NCAM2: variants seen among roughly 807,000 people sequenced by gnomAD.
NCAM2 encodes the protein N-CAM-2.
Under a neutral mutation model 98.1 loss-of-function variants are expected in NCAM2, and 30 were observed. That is an observed-to-expected ratio of 0.31 (90% confidence interval 0.23 to 0.41). The LOEUF (loss-of-function observed/expected upper bound fraction) is 0.41, where lower values mean the gene tolerates loss of function less well. Among genes scored for constraint, NCAM2 ranks in the 10% least tolerant of loss-of-function variants. The pLI is 1.00. For synonymous variants in NCAM2, 368 were observed against 342.4 expected, an observed-to-expected ratio of 1.07 and a Z score of -0.83; for missense variants, 867 against 1,005.8, an observed-to-expected ratio of 0.86 and a Z score of 1.87.
intron 12 of NCAM2, among the ~76,000 whole-genome samples, chr21:21,465,331 A>G (rs2847448): frequency 1.3e-5 from 2 of 151,750 alleles, no homozygotes; most frequent in Non-Finnish European, 2.9e-5. Context: ...CCTGAAATCC[A>G]AGACTTTGGG....
intron 11 of NCAM2, among the ~76,000 whole-genome samples, chr21:21,419,360 A>AT (rs1052125697): frequency 6.3e-4 from 31 of 48,994 alleles, no homozygotes; most frequent in East Asian, 5.6e-3. Context: ...TTTTTTTTCG[A>AT]TTTTTTTTTA....
rs369824131 is a variant in NCAM2 at position 21,477,377 on chromosome 21, G to A, written c.1983G>A (p.Gly661=). The A allele has an allele frequency of 1.9e-5, 31 of 1,612,560 alleles. 1 individual carries two copies. The South Asian group carries it at 3.3e-4, about 17-fold the overall frequency. The part of the protein sequence containing the change: ...IILEHLQWTM[G]YEVQITAANR... ...TGGAGCATCTCCAGTGGACCATGGG[G>A]TATGAAGTTCAGATTACAGCTGCCA... The change falls in exon 15 of 18, where the codon GGG becomes GGA. Residue 661 remains glycine (G), a synonymous_variant. Transcript: ENST00000400546.
intron 15 of NCAM2, among the ~76,000 whole-genome samples, chr21:21,493,383 A>G (rs1365350930): frequency 6.6e-6 from 1 of 151,898 alleles, no homozygotes; most frequent in African/African-American, 2.4e-5. Flanking sequence ...TCCCTTTTAA[A>G]TAGACTTTAG....
At chr21:21,476,045 G>A (rs565208948) in intron 14 of NCAM2, among the ~76,000 whole-genome samples, 3 of 152,168 alleles carry the variant, frequency 2.0e-5, no homozygotes, top group East Asian at 1.9e-4. Context: ...TTATATTTTA[G>A]AGAACAAATA....
chr21:21,475,607 C>T (rs1260478202), intron 14 of NCAM2, among the ~76,000 whole-genome samples: 1 of 152,148 alleles, frequency 6.6e-6, no homozygotes. Context: ...GTTACAACCT[C>T]TCTTCTCAGT....
At chr21:21,246,297 C>T (rs2071268483) in intron 1 of NCAM2, among the ~76,000 whole-genome samples, 1 of 151,976 alleles carries the variant, frequency 6.6e-6, no homozygotes, top group Non-Finnish European at 1.5e-5. Flanking sequence ...GCCAAAACCA[C>T]TCAGCTAAGC....
chr21:21,051,916 A>G (rs1458369780), intron 1 of NCAM2, among the ~76,000 whole-genome samples: 1 of 152,176 alleles, frequency 6.6e-6, no homozygotes, highest in Non-Finnish European at 1.5e-5. Flanking sequence ...TTCCACAGTT[A>G]TTACTGTTGC....
At chr21:21,058,664 A>C (rs1371362877) in intron 1 of NCAM2, among the ~76,000 whole-genome samples, 1 of 84,698 alleles carries the variant, frequency 1.2e-5, no homozygotes, top group Non-Finnish European at 2.5e-5. Context: ...TAAAATTCAC[A>C]CAGGATTTTT....
chr21:21,349,322 A>G (rs2075274444), intron 8 of NCAM2, among the ~76,000 whole-genome samples: 1 of 152,176 alleles, frequency 6.6e-6, no homozygotes, highest in Non-Finnish European at 1.5e-5. Flanking sequence ...CAGATATATG[A>G]AAAGGTGCTC....
rs569391426 is a variant in NCAM2, at chr21:21,297,092, C to G, written c.619+4851C>G. Among the ~76,000 whole-genome samples, 5 of 151,676 alleles carry G rather than the reference C, an allele frequency of 3.3e-5. No individual in the cohort carries two copies. In the South Asian group the frequency reaches 8.3e-4, roughly 25 times the overall value. On this transcript the variant is annotated intron_variant, in intron 5 of 17. Transcript: ENST00000400546. ...CTTAGCTATTAAATGGGGAACATCACAAAGTTGAGTTAATGACTATAGGAT... is the reference window on the plus strand; with the variant it reads ...CTTAGCTATTAAATGGGGAACATCAGAAAGTTGAGTTAATGACTATAGGAT...
intron 9 of NCAM2, among the ~76,000 whole-genome samples, chr21:21,378,517 A>C (rs2076082832): frequency 6.6e-6 from 1 of 152,030 alleles, no homozygotes; most frequent in Non-Finnish European, 1.5e-5. Flanking sequence ...TTTTAAAATC[A>C]GGTTGTTTTC....
intron 5 of NCAM2, among the ~76,000 whole-genome samples, chr21:21,295,785 T>TAC (rs1199292565): frequency 6.6e-6 from 1 of 151,232 alleles, no homozygotes; most frequent in East Asian, 2.0e-4. Context: ...GTTGTTATCA[T>TAC]ACACACACAC....
At chr21:21,011,489 T>C (rs1332115196) in intron 1 of NCAM2, among the ~76,000 whole-genome samples, 1 of 152,244 alleles carries the variant, frequency 6.6e-6, no homozygotes, top group Non-Finnish European at 1.5e-5. Context: ...ATTTACAGTA[T>C]ATGGCATGAT....
At position 21,115,118 on chromosome 21, in the gene NCAM2, G is replaced by A. The variant is rs147662470; in HGVS notation, c.55+116500G>A. On this transcript the variant is annotated intron_variant, in intron 1 of 17. Transcript: ENST00000400546. Reference sequence around the variant, plus strand: ...TTACAGGCATGAGCCACCGCACCCGGCCATATTAATTTCATTTAAAGATGC... The same window carrying A: ...TTACAGGCATGAGCCACCGCACCCGACCATATTAATTTCATTTAAAGATGC... 3.3e-3 allele frequency among the ~76,000 whole-genome samples: 502 copies of A among 152,184 alleles called. 7 individuals are homozygous for A. Among genetic ancestry groups the A allele is most frequent in the African/African-American group, 0.012 (479 of 41,524 alleles).
chr21:21,113,821 G>A (rs1172728119), intron 1 of NCAM2, among the ~76,000 whole-genome samples: 1 of 150,730 alleles, frequency 6.6e-6, no homozygotes, highest in African/African-American at 2.5e-5. Flanking sequence ...TCTTTTTTTT[G>A]ATTGGCCTCA....
chr21:21,265,306 C>T (rs530110289), intron 1 of NCAM2, among the ~76,000 whole-genome samples: 1 of 125,728 alleles, frequency 8.0e-6, no homozygotes, highest in Admixed American at 8.4e-5. Context: ...TACGTGTATA[C>T]ATACACGTAT....
At chr21:21,229,412 C>T (rs2070528102) in intron 1 of NCAM2, among the ~76,000 whole-genome samples, 1 of 151,478 alleles carries the variant, frequency 6.6e-6, no homozygotes, top group African/African-American at 2.4e-5. Context: ...GTCACTTTAA[C>T]AACTTATATC....
At chr21:21,360,914 A>G (rs1019689755) in intron 8 of NCAM2, among the ~76,000 whole-genome samples, 5 of 152,046 alleles carry the variant, frequency 3.3e-5, no homozygotes, top group African/African-American at 1.2e-4. Flanking sequence ...ACTGTTTTAG[A>G]TAACTACTTC....
rs142215351 is a variant in NCAM2, at chr21:21,122,012, T to A, written c.55+123394T>A. On this transcript the variant is annotated intron_variant, in intron 1 of 17. Transcript: ENST00000400546. Reference sequence around the variant, plus strand: ...ACAGTATGAGCTTCCGAATGAGCAGTGCATTCTGATGAGGATTTGGACTGC... The same window carrying A: ...ACAGTATGAGCTTCCGAATGAGCAGAGCATTCTGATGAGGATTTGGACTGC... Among the ~76,000 whole-genome samples, 118 of 152,356 alleles carry A rather than the reference T, an allele frequency of 7.7e-4. 2 individuals are homozygous for A. Among genetic ancestry groups the A allele is most frequent in the Middle Eastern group, 3.4e-3 (1 of 294 alleles).
Sources: gnomAD v4.1 joint callset for allele counts (sites outside exome capture counted in the v4.1 genomes callset) on GRCh38, gnomAD v4.1.1 for gene constraint, MANE v1.5 for transcripts, NCBI Gene and HGNC (gene_info 2026-07-23, HGNC 2026-07-21) for gene names.